Variants in TAS2R5 observed in about 807,000 individuals in gnomAD.
TAS2R5 encodes taste receptor type 2 member 5.
A neutral mutation model predicts 14.4 loss-of-function variants in TAS2R5; 11 were observed. The ratio of observed to expected loss-of-function variants is 0.77; its 90% CI spans 0.48 to 1.27. The LOEUF (loss-of-function observed/expected upper bound fraction) is 1.27. Ranked by LOEUF, TAS2R5 falls within the 50% of genes most tolerant of loss-of-function variation. The pLI is 0.00. For missense variants in TAS2R5, 339 were observed against 353.9 expected, an observed-to-expected ratio of 0.96 and a Z score of 0.34; for synonymous variants, 120 against 137.1, an observed-to-expected ratio of 0.87 and a Z score of 0.87.
rs1800431328 is a variant in TAS2R5, at chr7:141,790,562, C to G, written c.201C>G (p.Ser67Arg). The change falls in exon 1 of 1, where the codon AGC becomes AGG. Residue 67 changes from serine (S) to arginine (R), a missense_variant. Ser to Arg is a moderately radical substitution (Grantham distance 110). Transcript: ENST00000247883. The part of the protein sequence containing the change: ...LLQWLIILDL[S>R]LFPLFQSSRW... ...AGTGGCTGATCATTTTGGACTTAAG[C>G]TTGTTTCCACTTTTCCAGAGCAGCC... is the stretch of plus-strand genomic sequence containing the variant. The G allele has an allele frequency of 2.5e-6, 4 of 1,614,086 alleles. No homozygotes were observed. The highest frequency in any genetic ancestry group is 1.3e-5 in the African/African-American group (1 of 74,920).
Position 141,790,248 on chromosome 7 carries a change from C to T in TAS2R5, c.-114C>T, listed in dbSNP as rs2234011. On this transcript the variant is annotated 5_prime_UTR_variant, in exon 1 of 1. In the 5' UTR this introduces an upstream ATG that the reference lacks. Coordinates refer to ENST00000247883, the MANE Select transcript of TAS2R5 (RefSeq NM_018980.3). ...TTCAGTCTCGCTTGAAGACAGATTA[C>T]GGAAGGACGAGGCCAAATCCAGATT... 210 of 1,163,638 alleles carry T rather than the reference C, an allele frequency of 1.8e-4. No individual in the cohort carries two copies. In the East Asian group the frequency reaches 2.2e-3, roughly 12 times the overall value. 72.1% of individuals were successfully genotyped at this position (1,163,638 alleles called of 1,614,324 possible).
Position 141,791,154 on chromosome 7 carries a change from C to T in TAS2R5, c.793C>T (p.Pro265Ser), listed in dbSNP as rs200812204. 9 of 1,612,268 alleles carry T rather than the reference C, an allele frequency of 5.6e-6. No homozygotes were observed. The East Asian group carries it at 2.0e-4, about 36-fold the overall frequency. Residue 265 changes from proline (P) to serine (S), a missense_variant, in exon 1 of 1, where the codon CCT becomes TCT. Pro to Ser is a moderately conservative substitution (Grantham distance 74). Coordinates refer to ENST00000247883, the MANE Select transcript of TAS2R5 (RefSeq NM_018980.3). ...CTGGGAGACACTCATGGCAGCCTAT[C>T]CTTCTCTTCATTCTCTCATATTGAT... is the stretch of plus-strand genomic sequence containing the variant. ...FIWETLMAAYPSLHSLILIMG... is the reference protein window; with the variant it reads ...FIWETLMAAYSSLHSLILIMG...
chr7:141,790,217 C>T lies in TAS2R5; in HGVS notation c.-145C>T, dbSNP rs1800425251. 3.7e-6 allele frequency: 3 copies of T among 814,888 alleles called. No homozygotes were observed. The highest frequency in any genetic ancestry group is 5.4e-5 in the Admixed American group (2 of 36,698). 50.5% of individuals were successfully genotyped at this position (814,888 alleles called of 1,614,324 possible). A position where few individuals can be genotyped will look rare whatever the true frequency, so the allele number is the denominator to read the frequency against. ...CTTCCAACCTCTCTGTTCCTCATCA[C>T]AGCTGTTCAGTCTCGCTTGAAGACA... On this transcript the variant is annotated 5_prime_UTR_variant, in exon 1 of 1. Coordinates refer to ENST00000247883, the MANE Select transcript of TAS2R5 (RefSeq NM_018980.3).
In TAS2R5 at chr7:141,790,571, A is replaced by G; in HGVS notation, c.210A>G (p.Pro70=). 6.2e-7 allele frequency: 1 copy of G among 1,614,048 alleles called. No individual in the cohort carries two copies. The highest frequency in any genetic ancestry group is 8.5e-7 in the Non-Finnish European group (1 of 1,180,012). The part of the protein sequence containing the change: ...WLIILDLSLF[P]LFQSSRWLRY... Reference sequence around the variant, plus strand: ...TCATTTTGGACTTAAGCTTGTTTCCACTTTTCCAGAGCAGCCGTTGGCTTC... The same window carrying G: ...TCATTTTGGACTTAAGCTTGTTTCCGCTTTTCCAGAGCAGCCGTTGGCTTC... The change falls in exon 1 of 1, where the codon CCA becomes CCG. Residue 70 remains proline, a synonymous_variant. Coordinates refer to ENST00000247883, the MANE Select transcript of TAS2R5 (RefSeq NM_018980.3).
In TAS2R5 at chr7:141,790,954, A is replaced by G; in HGVS notation, c.593A>G (p.His198Arg). Residue 198 changes from histidine to arginine, a missense_variant, in exon 1 of 1, where the codon CAC (histidine) becomes CGC (arginine). By Grantham distance (29) the His-to-Arg change is conservative (BLOSUM62 0). Transcript: ENST00000247883. ...SGMLIVSLYT[H>R]HKKMKVHSAG... is the part of the protein sequence containing the mutation. ...ATGCTGATTGTCTCTTTGTATACAC[A>G]CCACAAGAAGATGAAGGTCCATTCA... is the stretch of plus-strand genomic sequence containing the variant. The G allele has an allele frequency of 3.7e-6, 6 of 1,614,152 alleles. No homozygotes were observed. Among genetic ancestry groups the G allele is most frequent in the Non-Finnish European group, 5.1e-6 (6 of 1,180,032 alleles).
Position 141,791,343 on chromosome 7 carries a change from T to G in TAS2R5, c.*82T>G. 7.1e-7 allele frequency: 1 copy of G among 1,412,892 alleles called. No individual in the cohort carries two copies. The highest frequency in any genetic ancestry group is 9.5e-7 in the Non-Finnish European group (1 of 1,048,108). 87.5% of individuals were successfully genotyped at this position (1,412,892 alleles called of 1,614,324 possible). A position where few individuals can be genotyped will look rare whatever the true frequency, so the allele number is the denominator to read the frequency against. Reference sequence around the variant, plus strand: ...ATAAGGGAGCTGCTTTCCATGTCTTTTAAGATTTTCCTTCTTTTACACCAA... The same window carrying G: ...ATAAGGGAGCTGCTTTCCATGTCTTGTAAGATTTTCCTTCTTTTACACCAA... On this transcript the variant is annotated 3_prime_UTR_variant, in exon 1 of 1. Coordinates refer to ENST00000247883, the MANE Select transcript of TAS2R5 (RefSeq NM_018980.3).
chr7:141,790,784 A>C lies in TAS2R5; in HGVS notation c.423A>C (p.Thr141=), dbSNP rs148169222. The C allele has an allele frequency of 2.9e-5, 47 of 1,614,170 alleles. No homozygotes were observed. The highest frequency in any genetic ancestry group is 1.6e-4 in the Middle Eastern group (1 of 6,062). ...LGYFIINLLL[T]VQIGLTFYHP... Reference sequence around the variant, plus strand: ...ACTTTATAATCAATTTGTTACTTACAGTCCAAATTGGCTTAACATTCTATC... The same window carrying C: ...ACTTTATAATCAATTTGTTACTTACCGTCCAAATTGGCTTAACATTCTATC... Residue 141 remains threonine, a synonymous_variant, in exon 1 of 1, where the codon ACA becomes ACC. Coordinates refer to ENST00000247883, the MANE Select transcript of TAS2R5 (RefSeq NM_018980.3).
Position 141,791,366 on chromosome 7 carries a change from C to T in TAS2R5, c.*105C>T. 8.6e-7 allele frequency: 1 copy of T among 1,166,910 alleles called. No individual in the cohort carries two copies. 72.3% of individuals were successfully genotyped at this position (1,166,910 alleles called of 1,614,324 possible). ...TTTTAAGATTTTCCTTCTTTTACAC[C>T]AATGTAATGAATGAGCAACAGAAAA... On this transcript the variant is annotated 3_prime_UTR_variant, in exon 1 of 1. Coordinates refer to ENST00000247883, the MANE Select transcript of TAS2R5 (RefSeq NM_018980.3).
chr7:141,790,603 T>C lies in TAS2R5; in HGVS notation c.242T>C (p.Leu81Pro). ...CAGAGCAGCCGTTGGCTTCGCTATCTTAGTATCTTCTGGGTCCTGGTAAGC... is the reference window on the plus strand; with the variant it reads ...CAGAGCAGCCGTTGGCTTCGCTATCCTAGTATCTTCTGGGTCCTGGTAAGC... ...LFQSSRWLRY[L>P]SIFWVLVSQA... is the part of the protein sequence containing the mutation. Residue 81 changes from leucine to proline, a missense_variant, in exon 1 of 1, where the codon CTT (leucine) becomes CCT (proline). Coordinates refer to ENST00000247883, the MANE Select transcript of TAS2R5 (RefSeq NM_018980.3). 1 of 1,614,210 alleles carries C rather than the reference T, an allele frequency of 6.2e-7. No individual in the cohort carries two copies. The highest frequency in any genetic ancestry group is 8.5e-7 in the Non-Finnish European group (1 of 1,180,044).
Position 141,791,177 on chromosome 7 carries a change from G to C in TAS2R5, c.816G>C (p.Leu272Phe). ...ATCCTTCTCTTCATTCTCTCATATT[G>C]ATCATGGGGATTCCTAGGGTGAAGC... ...AAYPSLHSLILIMGIPRVKQT... is the reference protein window; with the variant it reads ...AAYPSLHSLIFIMGIPRVKQT... The change falls in exon 1 of 1, where the codon TTG (leucine) becomes TTC (phenylalanine). Residue 272 changes from leucine to phenylalanine, a missense_variant. Coordinates refer to ENST00000247883, the MANE Select transcript of TAS2R5 (RefSeq NM_018980.3). 6.2e-7 allele frequency: 1 copy of C among 1,614,090 alleles called. No homozygotes were observed. Among genetic ancestry groups the C allele is most frequent in the South Asian group, 1.1e-5 (1 of 91,072 alleles).
At chr7:141,790,558 T>A in the TAS2R5 span, 1 of 1,614,220 alleles carries the variant, frequency 6.2e-7, no homozygotes, top group Non-Finnish European at 8.5e-7. Flanking sequence ...ATTTTGGACT[T>A]AAGCTTGTTT....
In TAS2R5 at chr7:141,790,763, T is replaced by C. The variant is rs554391362; in HGVS notation, c.402T>C (p.Phe134=). The change falls in exon 1 of 1, where the codon TTT becomes TTC. Residue 134 remains phenylalanine (F), a synonymous_variant. Coordinates refer to ENST00000247883, the MANE Select transcript of TAS2R5 (RefSeq NM_018980.3). The part of the protein sequence containing the change: ...NLSLWCLLGY[F]IINLLLTVQI... The stretch of plus-strand genomic sequence containing the variant: ...GTCTCTGGTGCCTTCTGGGCTACTT[T>C]ATAATCAATTTGTTACTTACAGTCC... 6 of 1,614,066 alleles carry C rather than the reference T, an allele frequency of 3.7e-6. No individual in the cohort carries two copies. Among genetic ancestry groups the C allele is most frequent in the Admixed American group, 1.7e-5 (1 of 60,006 alleles).
rs2234014 is a variant in TAS2R5 at position 141,790,699 on chromosome 7, C to T, written c.338C>T (p.Pro113Leu). ...YCKKITTFDR[P>L]AYLWLKQRAY... ...AAGAAGATCACGACCTTCGATCGCC[C>T]GGCCTACTTGTGGCTGAAGCAGAGG... Residue 113 changes from proline (P) to leucine (L), a missense_variant, in exon 1 of 1, where the codon CCG (proline) becomes CTG (leucine). Transcript: ENST00000247883. 1.9e-3 allele frequency: 3,031 copies of T among 1,614,124 alleles called. 42 individuals are homozygous for T. In the African/African-American group the frequency reaches 0.029, roughly 15 times the overall value.
At position 141,790,413 on chromosome 7, in the gene TAS2R5, C is replaced by T. The variant is rs760959195; in HGVS notation, c.52C>T (p.Leu18Phe). Reference sequence around the variant, plus strand: ...GATGCTGGTGGCAGTGGTTGAATTTCTCATCGGTTTAATTGGAAATGGAAG... The same window carrying T: ...GATGCTGGTGGCAGTGGTTGAATTTTTCATCGGTTTAATTGGAAATGGAAG... ...LLMLVAVVEF[L>F]IGLIGNGSLV... Residue 18 changes from leucine to phenylalanine, a missense_variant, in exon 1 of 1, where the codon CTC (leucine) becomes TTC (phenylalanine). Physicochemically the swap from Leu to Phe is conservative, Grantham distance 22. Coordinates refer to ENST00000247883, the MANE Select transcript of TAS2R5 (RefSeq NM_018980.3). 6.8e-6 allele frequency: 11 copies of T among 1,614,178 alleles called. No individual in the cohort carries two copies. Among genetic ancestry groups the T allele is most frequent in the Non-Finnish European group, 9.3e-6 (11 of 1,180,012 alleles).
chr7:141,790,329 G>C lies in TAS2R5; in HGVS notation c.-33G>C. 6.2e-7 allele frequency: 1 copy of C among 1,602,386 alleles called. No homozygotes were observed. Among genetic ancestry groups the C allele is most frequent in the Non-Finnish European group, 8.5e-7 (1 of 1,174,564 alleles). ...ATCACTACCAGGGGATCTGACCTCA[G>C]CCAGGAGCAGTGAGAGCCTCCTCTC... On this transcript the variant is annotated 5_prime_UTR_variant, in exon 1 of 1. Coordinates refer to ENST00000247883, the MANE Select transcript of TAS2R5 (RefSeq NM_018980.3).
chr7:141,790,325 C>T lies in TAS2R5; in HGVS notation c.-37C>T. ...TGTTATCACTACCAGGGGATCTGAC[C>T]TCAGCCAGGAGCAGTGAGAGCCTCC... On this transcript the variant is annotated 5_prime_UTR_variant, in exon 1 of 1. Transcript: ENST00000247883. The T allele has an allele frequency of 6.3e-7, 1 of 1,597,692 alleles. No individual in the cohort carries two copies. The highest frequency in any genetic ancestry group is 1.1e-5 in the South Asian group (1 of 88,362).
At position 141,790,236 on chromosome 7, in the gene TAS2R5, G is replaced by A. The variant is rs1454898232; in HGVS notation, c.-126G>A. 9.7e-7 allele frequency: 1 copy of A among 1,029,268 alleles called. No homozygotes were observed. Among genetic ancestry groups the A allele is most frequent in the African/African-American group, 1.6e-5 (1 of 62,396 alleles). The allele number at this position is 1,029,268 out of a possible 1,614,324, so 63.8% of individuals were successfully genotyped here. A position where few individuals can be genotyped will look rare whatever the true frequency, so the allele number is the denominator to read the frequency against. ...TCATCACAGCTGTTCAGTCTCGCTTGAAGACAGATTACGGAAGGACGAGGC... is the reference window on the plus strand; with the variant it reads ...TCATCACAGCTGTTCAGTCTCGCTTAAAGACAGATTACGGAAGGACGAGGC... On this transcript the variant is annotated 5_prime_UTR_variant, in exon 1 of 1. Coordinates refer to ENST00000247883, the MANE Select transcript of TAS2R5 (RefSeq NM_018980.3).
rs1224044365 is a variant in TAS2R5, at chr7:141,790,530, C to A, written c.169C>A (p.Leu57Ile). ...CCTGGGCCTGGCTGGCTGCCGATTT[C>A]TCCTGCAGTGGCTGATCATTTTGGA... ...IILGLAGCRF[L>I]LQWLIILDLS... Residue 57 changes from leucine to isoleucine, a missense_variant, in exon 1 of 1, where the codon CTC becomes ATC. Physicochemically the swap from Leu to Ile is conservative, Grantham distance 5. Transcript: ENST00000247883. 3.1e-6 allele frequency: 5 copies of A among 1,614,074 alleles called. No individual in the cohort carries two copies. The African/African-American group carries it at 6.7e-5, about 22-fold the overall frequency.
Position 141,790,626 on chromosome 7 carries a change from A to T in TAS2R5, c.265A>T (p.Ser89Cys), listed in dbSNP as rs542309525. The change falls in exon 1 of 1, where the codon AGC (serine) becomes TGC (cysteine). Residue 89 changes from serine to cysteine, a missense_variant. Ser to Cys is a moderately radical substitution (Grantham distance 112). Coordinates refer to ENST00000247883, the MANE Select transcript of TAS2R5 (RefSeq NM_018980.3). ...RYLSIFWVLV[S>C]QASLWFATFL... ...TCTTAGTATCTTCTGGGTCCTGGTA[A>T]GCCAGGCCAGCTTATGGTTTGCCAC... The T allele has an allele frequency of 2.2e-5, 35 of 1,614,140 alleles. No individual in the cohort carries two copies. The South Asian group carries it at 3.2e-4, about 15-fold the overall frequency.
Sources: gnomAD v4.1 joint callset for allele counts on GRCh38, gnomAD v4.1.1 for gene constraint, MANE v1.5 for transcripts, NCBI Gene and HGNC (gene_info 2026-07-23, HGNC 2026-07-21) for gene names.